TASP1: variants seen among roughly 807,000 people sequenced by gnomAD.
The protein encoded by TASP1 is taspase 1.
A neutral mutation model predicts 56.6 loss-of-function variants in TASP1; 16 were observed. The ratio of observed to expected loss-of-function variants is 0.28; its 90% CI spans 0.19 to 0.43. The LOEUF (loss-of-function observed/expected upper bound fraction) is 0.43. Among genes scored for constraint, TASP1 ranks in the 20% least tolerant of loss-of-function variants. The probability of loss-of-function intolerance (pLI) is 1.00; values close to 1 mark genes in which losing one functional copy is unlikely to be tolerated. For synonymous variants in TASP1, 179 were observed against 184.2 expected, an observed-to-expected ratio of 0.97 and a Z score of 0.23; for missense variants, 393 against 511.6, an observed-to-expected ratio of 0.77 and a Z score of 2.24.
the TASP1 span, among the ~76,000 whole-genome samples, chr20:13,349,580 C>A: frequency 1.3e-5 from 2 of 152,036 alleles, no homozygotes; most frequent in African/African-American, 4.8e-5. Context: ...AGAAGAGGAC[C>A]AGCATATCCA....
At chr20:13,501,260 C>T (rs575250114) in intron 10 of TASP1, among the ~76,000 whole-genome samples, 1 of 151,998 alleles carries the variant, frequency 6.6e-6, no homozygotes, top group South Asian at 2.1e-4. Flanking sequence ...CCAGAGAGAA[C>T]CCTGAGCTCT....
chr20:13,278,804 C>G, the TASP1 span, among the ~76,000 whole-genome samples: 1 of 152,184 alleles, frequency 6.6e-6, no homozygotes, highest in African/African-American at 2.4e-5. Context: ...GGAAGATCCA[C>G]GATGGCCCTA....
chr20:13,457,064 T>C (rs2043868926), intron 11 of TASP1, among the ~76,000 whole-genome samples: 1 of 151,660 alleles, frequency 6.6e-6, no homozygotes, highest in Non-Finnish European at 1.5e-5. Flanking sequence ...AGGTGGGAAC[T>C]GAACAATGAG....
chr20:13,488,322 A>C (rs1174180227), intron 10 of TASP1, among the ~76,000 whole-genome samples: 1 of 152,144 alleles, frequency 6.6e-6, no homozygotes, highest in East Asian at 1.9e-4. Flanking sequence ...AAAAAAATTC[A>C]CCTACAAAAA....
the TASP1 span, chr20:13,164,599 C>G: frequency 1.6e-6 from 1 of 631,992 alleles, no homozygotes; most frequent in Non-Finnish European, 2.8e-6. Context: ...TAAACCACAA[C>G]CTAATGGTAC....
At chr20:13,373,988 G>C in the TASP1 span, among the ~76,000 whole-genome samples, 1,627 of 151,802 alleles carry the variant, frequency 0.011, 25 homozygotes, top group African/African-American at 0.037. Context: ...TATCAAATTT[G>C]CTTATTCTTT....
chr20:13,126,994 G>A, the TASP1 span, among the ~76,000 whole-genome samples: 1 of 152,264 alleles, frequency 6.6e-6, no homozygotes, highest in Non-Finnish European at 1.5e-5. Flanking sequence ...TTGTGTGCGT[G>A]TGTGTGCGCG....
intron 7 of TASP1, among the ~76,000 whole-genome samples, chr20:13,568,551 T>C (rs1374405837): frequency 6.6e-6 from 1 of 152,212 alleles, no homozygotes; most frequent in Non-Finnish European, 1.5e-5. Context: ...TCAATCATTA[T>C]CAGAGATTAG....
chr20:13,390,596 G>A (rs2123555692), intron 13 of TASP1, 144 bp from the exon 14 acceptor site: 1 of 633,654 alleles, frequency 1.6e-6, no homozygotes, highest in East Asian at 2.9e-5. Flanking sequence ...CTGTACCACT[G>A]GTAAACTTTA....
chr20:13,545,839 G>C (rs1351059007), intron 8 of TASP1, among the ~76,000 whole-genome samples: 2 of 152,080 alleles, frequency 1.3e-5, no homozygotes, highest in African/African-American at 4.8e-5. Flanking sequence ...GCAGGCCTCT[G>C]AACCCAGGAC....
the TASP1 span, among the ~76,000 whole-genome samples, chr20:13,241,947 C>T: frequency 1.3e-5 from 2 of 151,702 alleles, no homozygotes; most frequent in Non-Finnish European, 2.9e-5. Context: ...AGTTGAGGGC[C>T]GTTGCAAGGA....
the TASP1 span, among the ~76,000 whole-genome samples, chr20:13,351,927 G>A: frequency 1.3e-4 from 20 of 152,118 alleles, no homozygotes; most frequent in Non-Finnish European, 2.4e-4. Flanking sequence ...CTTGAAATCT[G>A]GCAAGCATGA....
intron 8 of TASP1, among the ~76,000 whole-genome samples, chr20:13,540,825 G>A (rs1056921013): frequency 4.6e-5 from 7 of 151,820 alleles, no homozygotes; most frequent in Non-Finnish European, 7.4e-5. Flanking sequence ...AAAATTCATC[G>A]AATTATACAC....
the TASP1 span, among the ~76,000 whole-genome samples, chr20:13,110,979 C>T: frequency 5.9e-5 from 9 of 151,994 alleles, no homozygotes; most frequent in East Asian, 7.8e-4. Context: ...TCTTTCAGCC[C>T]GCTAATCTCA....
At chr20:13,410,545 ACT>A (rs1226741662) in intron 13 of TASP1, among the ~76,000 whole-genome samples, 1 of 152,048 alleles carries the variant, frequency 6.6e-6, no homozygotes, top group Non-Finnish European at 1.5e-5. Flanking sequence ...ATAATATCTC[ACT>A]GTGTTTATGA....
At chr20:13,538,686 A>G (rs1275570536) in intron 8 of TASP1, among the ~76,000 whole-genome samples, 2 of 152,178 alleles carry the variant, frequency 1.3e-5, no homozygotes, top group African/African-American at 2.4e-5. Flanking sequence ...ATCTCTCACA[A>G]ATCAGCCATC....
chr20:13,316,638 A>T, the TASP1 span, among the ~76,000 whole-genome samples: 1 of 151,966 alleles, frequency 6.6e-6, no homozygotes, highest in Non-Finnish European at 1.5e-5. Flanking sequence ...TCAACATGTG[A>T]AAATTAATTA....
chr20:13,611,693 C>G (rs989456179), intron 4 of TASP1, among the ~76,000 whole-genome samples: 1 of 152,148 alleles, frequency 6.6e-6, no homozygotes, highest in Non-Finnish European at 1.5e-5. Context: ...TTATTTCCAG[C>G]TATACCTTAA....
the TASP1 span, among the ~76,000 whole-genome samples, chr20:13,245,894 C>T: frequency 2.0e-5 from 3 of 152,196 alleles, no homozygotes; most frequent in Non-Finnish European, 2.9e-5. Flanking sequence ...CCAAATTAGA[C>T]TCTCACTATT....
Sources: allele counts gnomAD v4.1 joint callset (sites outside exome capture counted in the v4.1 genomes callset), GRCh38; gene constraint gnomAD v4.1.1; transcripts MANE v1.5; gene names NCBI Gene and HGNC (gene_info 2026-07-23, HGNC 2026-07-21).